Variants in TLL1 observed in about 807,000 individuals in gnomAD.
TLL1 encodes tolloid-like protein 1.
TLL1 carries 49 observed loss-of-function variants against 128.2 expected under a neutral mutation model. The ratio of observed to expected loss-of-function variants is 0.38; its 90% CI spans 0.30 to 0.48. TLL1 has a LOEUF of 0.48. TLL1 is among the 20% of genes least tolerant of loss of function. The probability of loss-of-function intolerance (pLI) is 0.96; values close to 1 mark genes in which losing one functional copy is unlikely to be tolerated. For synonymous variants in TLL1, 454 were observed against 418.8 expected (o/e 1.08, Z -1.03); for missense variants, 1,123 against 1,242.0 (o/e 0.90, Z 1.44).
At chr4:165,916,723 C>T (rs1732792015) in intron 1 of TLL1, among the ~76,000 whole-genome samples, 1 of 152,040 alleles carries the variant, frequency 6.6e-6, no homozygotes, top group South Asian at 2.1e-4. Context: ...AAGTGATGCT[C>T]AGGGAGAATA....
intron 9 of TLL1, among the ~76,000 whole-genome samples, chr4:166,026,965 A>T (rs1048679711): frequency 6.6e-6 from 1 of 152,224 alleles, no homozygotes. Context: ...AGTATTCACA[A>T]TAGCAAAAAC....
chr4:165,917,069 T>G (rs1332040134), intron 1 of TLL1, among the ~76,000 whole-genome samples: 1 of 152,120 alleles, frequency 6.6e-6, no homozygotes, highest in Non-Finnish European at 1.5e-5. Flanking sequence ...ACGGCTTAAA[T>G]TTTCCTTGTT....
chr4:166,055,290 C>A lies in TLL1; in HGVS notation c.1720+19C>A. 1 of 1,606,510 alleles carries A rather than the reference C, an allele frequency of 6.2e-7. No homozygotes were observed. Among genetic ancestry groups the A allele is most frequent in the Middle Eastern group, 1.7e-4 (1 of 6,032 alleles). On this transcript the variant is annotated intron_variant, in intron 13 of 20. Coordinates refer to ENST00000061240, the MANE Select transcript of TLL1 (RefSeq NM_012464.5). Reference sequence around the variant, plus strand: ...TTTAAAGGTAATTTGAAATAATTTTCAAACGTGAGATTTTCTTTATCAAGG... The same window carrying A: ...TTTAAAGGTAATTTGAAATAATTTTAAAACGTGAGATTTTCTTTATCAAGG...
At chr4:166,014,266 T>C (rs561753764) in intron 7 of TLL1, among the ~76,000 whole-genome samples, 170 bp from the exon 8 acceptor site, 1 of 152,086 alleles carries the variant, frequency 6.6e-6, no homozygotes, top group South Asian at 2.1e-4. Flanking sequence ...AACATGCTTT[T>C]TTTTCTACTT....
intron 12 of TLL1, among the ~76,000 whole-genome samples, chr4:166,050,990 T>C (rs1688073244): frequency 2.0e-5 from 3 of 152,202 alleles, no homozygotes; most frequent in Admixed American, 2.0e-4. Flanking sequence ...CTGAAAATTG[T>C]TCAGAGCTTA....
chr4:165,936,222 T>C (rs1240229352), intron 1 of TLL1, among the ~76,000 whole-genome samples: 1 of 148,120 alleles, frequency 6.8e-6, no homozygotes, highest in Non-Finnish European at 1.5e-5. Context: ...TTTTCTTTTT[T>C]CTTTTTTTTT....
chr4:166,007,956 T>C lies in TLL1; in HGVS notation c.825T>C (p.Asn275=). Residue 275 remains asparagine, a synonymous_variant, in exon 7 of 21, where the codon AAT becomes AAC. Transcript: ENST00000061240. ...RENIQPGQEY[N]FLKMEPGEVN... is the part of the protein sequence containing the mutation. ...CCTGGTTCTTAGGTCAAGAGTACAA[T>C]TTTCTGAAGATGGAGCCTGGAGAAG... 6.2e-7 allele frequency: 1 copy of C among 1,608,900 alleles called. No homozygotes were observed. Among genetic ancestry groups the C allele is most frequent in the South Asian group, 1.1e-5 (1 of 90,994 alleles).
rs1737849954 is a variant in TLL1 at position 166,014,577 on chromosome 4, A to G, written c.1042+17A>G. The G allele has an allele frequency of 6.2e-7, 1 of 1,610,724 alleles. No homozygotes were observed. The highest frequency in any genetic ancestry group is 1.3e-5 in the African/African-American group (1 of 74,876). Reference sequence around the variant, plus strand: ...GATGTCCAGGTATTGCACTACACAAACACAAGAGCATGACTGTACTTGATT... The same window carrying G: ...GATGTCCAGGTATTGCACTACACAAGCACAAGAGCATGACTGTACTTGATT... On this transcript the variant is annotated intron_variant, in intron 8 of 20. Transcript: ENST00000061240.
chr4:165,998,812 T>C (rs976090163), intron 5 of TLL1, among the ~76,000 whole-genome samples: 2 of 149,094 alleles, frequency 1.3e-5, no homozygotes, highest in African/African-American at 5.1e-5. Flanking sequence ...AAAAAAAAAG[T>C]AGACACTTTT....
intron 1 of TLL1, among the ~76,000 whole-genome samples, chr4:165,988,194 C>G (rs1485135888): frequency 6.6e-6 from 1 of 152,022 alleles, no homozygotes; most frequent in Non-Finnish European, 1.5e-5. Context: ...TATTGTTACA[C>G]TAATATATAT....
chr4:165,997,097 A>G (rs912728703), intron 5 of TLL1, among the ~76,000 whole-genome samples: 8 of 152,104 alleles, frequency 5.3e-5, no homozygotes, highest in Non-Finnish European at 8.8e-5. Flanking sequence ...TAATCATTCT[A>G]ACTTCATTTG....
intron 1 of TLL1, among the ~76,000 whole-genome samples, chr4:165,984,476 C>CT (rs1430840372): frequency 6.6e-6 from 1 of 151,902 alleles, no homozygotes; most frequent in Non-Finnish European, 1.5e-5. Flanking sequence ...TGAGACTTCA[C>CT]TGTTGCCTTT....
chr4:165,921,072 C>A (rs762949530), intron 1 of TLL1, among the ~76,000 whole-genome samples: 6 of 152,112 alleles, frequency 3.9e-5, no homozygotes, highest in Non-Finnish European at 5.9e-5. Flanking sequence ...AGTTCAGACA[C>A]CCCTTTTTAC....
chr4:166,020,606 C>G (rs1315277523), intron 8 of TLL1, among the ~76,000 whole-genome samples: 1 of 152,134 alleles, frequency 6.6e-6, no homozygotes, highest in Non-Finnish European at 1.5e-5. Context: ...CATAGGATTA[C>G]TTTCCCTTCT....
At chr4:166,098,334 CAAAAAA>C (rs3047106) in intron 19 of TLL1, among the ~76,000 whole-genome samples, 9 of 110,376 alleles carry the variant, frequency 8.2e-5, no homozygotes, top group Non-Finnish European at 7.1e-5. Context: ...GAGTTCTTCT[CAAAAAA>C]AAAAAAAAAA....
At chr4:166,081,562 A>G (rs1287888637) in intron 18 of TLL1, among the ~76,000 whole-genome samples, 1 of 152,104 alleles carries the variant, frequency 6.6e-6, no homozygotes, top group African/African-American at 2.4e-5. Context: ...TCATCCACAC[A>G]TGACCTTCAC....
chr4:165,942,844 G>A (rs1448264124), intron 1 of TLL1, among the ~76,000 whole-genome samples: 2 of 151,880 alleles, frequency 1.3e-5, no homozygotes, highest in Admixed American at 6.6e-5. Context: ...AGATTATATG[G>A]AGACTTTTCA....
chr4:165,923,411 A>T (rs1003626599), intron 1 of TLL1, among the ~76,000 whole-genome samples: 3 of 115,958 alleles, frequency 2.6e-5, no homozygotes, highest in African/African-American at 8.7e-5. Context: ...CATCGGAAAT[A>T]TAGGTATACC....
intron 12 of TLL1, among the ~76,000 whole-genome samples, chr4:166,046,947 T>G (rs917298719): frequency 6.6e-6 from 1 of 152,194 alleles, no homozygotes; most frequent in African/African-American, 2.4e-5. Context: ...ATTAGGTGGT[T>G]GTTTAATTTA....
Sources: gnomAD v4.1 joint callset for allele counts (sites outside exome capture counted in the v4.1 genomes callset) on GRCh38, gnomAD v4.1.1 for gene constraint, MANE v1.5 for transcripts, NCBI Gene and HGNC (gene_info 2026-07-23, HGNC 2026-07-21) for gene names.